RBM26: variants seen among roughly 807,000 people sequenced by gnomAD.
The protein encoded by RBM26 is RNA binding motif protein 26, also known as RNA-binding protein 26.
RBM26 carries 30 observed loss-of-function variants against 123.6 expected under a neutral mutation model. The observed-to-expected ratio is 0.24, with a 90% confidence interval of 0.18 to 0.33. The LOEUF (loss-of-function observed/expected upper bound fraction) is 0.33. Among genes scored for constraint, RBM26 ranks in the 10% least tolerant of loss-of-function variants. The probability of loss-of-function intolerance (pLI) is 1.00; values close to 1 mark genes in which losing one functional copy is unlikely to be tolerated. For synonymous variants in RBM26, 400 were observed against 404.4 expected, an observed-to-expected ratio of 0.99 and a Z score of 0.13; for missense variants, 947 against 1,203.6, an observed-to-expected ratio of 0.79 and a Z score of 3.15.
Position 79,354,421 on chromosome 13 carries a change from G to A in RBM26, c.1986+18C>T, listed in dbSNP as rs777013319. On this transcript the variant is annotated intron_variant, in intron 13 of 21. Coordinates refer to ENST00000438737, the MANE Select transcript of RBM26 (RefSeq NM_001366735.2). The stretch of plus-strand genomic sequence containing the variant: ...CTGAGAACCTATTACGGGCACAATC[G>A]TAAGACCTTTGCTTTACCTGAGGAA... The A allele has an allele frequency of 9.2e-6, 14 of 1,527,622 alleles. No individual in the cohort carries two copies. The Admixed American group carries it at 9.4e-5, about 10-fold the overall frequency. 94.6% of individuals were successfully genotyped at this position (1,527,622 alleles called of 1,614,324 possible). A position where few individuals can be genotyped will look rare whatever the true frequency, so the allele number is the denominator to read the frequency against.
At chr13:79,328,661 T>A (rs560464414) in intron 20 of RBM26, among the ~76,000 whole-genome samples, 1 of 39,366 alleles carries the variant, frequency 2.5e-5, no homozygotes, top group East Asian at 5.6e-4. Flanking sequence ...TTTCCAAATA[T>A]ACAAAGAGCC....
Position 79,386,591 on chromosome 13 carries a change from T to TAAAAAAAAAA in RBM26, c.72-7694_72-7685dup, listed in dbSNP as rs398023598. Among the ~76,000 whole-genome samples the TAAAAAAAAAA allele has an allele frequency of 1.7e-3, 155 of 92,796 alleles. 3 individuals are homozygous for TAAAAAAAAAA. Among genetic ancestry groups the TAAAAAAAAAA allele is most frequent in the East Asian group, 0.013 (31 of 2,444 alleles). The allele number at this position is 92,796 out of a possible 152,430, so 60.9% of individuals were successfully genotyped here. On this transcript the variant is annotated intron_variant, in intron 1 of 21. Coordinates refer to ENST00000438737, the MANE Select transcript of RBM26 (RefSeq NM_001366735.2). ...ACATCAAGCCACAGAACTCTCTCTT[T>TAAAAAAAAAA]AAAAAAAAAAAAAAAAAAAAGGTGT...
intron 14 of RBM26, among the ~76,000 whole-genome samples, chr13:79,347,658 A>AC (rs2072560205): frequency 6.6e-6 from 1 of 152,024 alleles, no homozygotes; most frequent in Non-Finnish European, 1.5e-5. Context: ...ATCTTACTAC[A>AC]CTTACTTAAT....
intron 1 of RBM26, among the ~76,000 whole-genome samples, chr13:79,391,572 C>T (rs1280944096): frequency 6.6e-6 from 1 of 151,944 alleles, no homozygotes; most frequent in Non-Finnish European, 1.5e-5. Context: ...TACAGGCGCC[C>T]ACCACAACAC....
At chr13:79,330,588 G>A (rs925905841) in intron 20 of RBM26, among the ~76,000 whole-genome samples, 2 of 152,040 alleles carry the variant, frequency 1.3e-5, no homozygotes, top group Non-Finnish European at 2.9e-5. Context: ...AAAGTAAACT[G>A]CAATCCTATG....
chr13:79,353,174 T>C lies in RBM26; in HGVS notation c.2037A>G (p.Pro679=), dbSNP rs1425097895. The C allele has an allele frequency of 1.3e-6, 2 of 1,592,994 alleles. No homozygotes were observed. Among genetic ancestry groups the C allele is most frequent in the East Asian group, 2.2e-5 (1 of 44,454 alleles). The change falls in exon 14 of 22, where the codon CCA becomes CCG. Residue 679 remains proline (P), a synonymous_variant. Transcript: ENST00000438737. ...VKDRLGFVSK[P]SVSATEKVLS... is the part of the protein sequence containing the mutation. ...TTACCTTTTCAGTTGCTGAAACAGA[T>C]GGCTTTGATACAAAACCCAACCTGT...
At chr13:79,374,703 C>A (rs1192943179) in intron 3 of RBM26, among the ~76,000 whole-genome samples, 1 of 152,080 alleles carries the variant, frequency 6.6e-6, no homozygotes, top group African/African-American at 2.4e-5. Context: ...GCACTCTTTC[C>A]CTTCTATTTC....
At chr13:79,373,912 T>C (rs898828370) in intron 3 of RBM26, among the ~76,000 whole-genome samples, 3 of 151,124 alleles carry the variant, frequency 2.0e-5, no homozygotes, top group Admixed American at 1.3e-4. Context: ...CTCCAGACTA[T>C]ATTGTTGAGA....
At chr13:79,325,788 C>T (rs2068308751) in intron 20 of RBM26, among the ~76,000 whole-genome samples, 1 of 152,138 alleles carries the variant, frequency 6.6e-6, no homozygotes, top group Admixed American at 6.6e-5. Context: ...TGGTAATGTT[C>T]TAGGCCTTTA....
At chr13:79,311,925 T>TGTTGACAACCCCACATAAACATTTAA (rs2066908712) in exon 5 of RBM26, 1 of 152,036 alleles carries the variant, frequency 6.6e-6, no homozygotes, top group Non-Finnish European at 1.5e-5. Flanking sequence ...ATAATAAAAA[T>TGTTGACAACCCCACATAAACATTTAA]GTTGACAACC....
chr13:79,342,674 G>T lies in RBM26; in HGVS notation c.2417C>A (p.Thr806Asn). 1 of 1,606,466 alleles carries T rather than the reference G, an allele frequency of 6.2e-7. No individual in the cohort carries two copies. The change falls in exon 17 of 22, where the codon ACC becomes AAC. Residue 806 changes from threonine (T) to asparagine (N), a missense_variant. Physicochemically the swap from Thr to Asn is moderately conservative, Grantham distance 65 (BLOSUM62 0). Transcript: ENST00000438737. ...PGRCLPKSIK[T>N]KTQMQKELLD... ...AATGAAATTAAATACCTGAGTCTTGGTTTTTATACTTTTTGGAAGACAGCG... is the reference window on the plus strand; with the variant it reads ...AATGAAATTAAATACCTGAGTCTTGTTTTTTATACTTTTTGGAAGACAGCG...
At position 79,354,568 on chromosome 13, in the gene RBM26, T is replaced by C; in HGVS notation, c.1857A>G (p.Val619=). 1 of 1,589,752 alleles carries C rather than the reference T, an allele frequency of 6.3e-7. No individual in the cohort carries two copies. Among genetic ancestry groups the C allele is most frequent in the Admixed American group, 1.7e-5 (1 of 58,648 alleles). Residue 619 remains valine (V), a splice_region_variant and synonymous_variant, in exon 13 of 22, where the codon GTA becomes GTG. Transcript: ENST00000438737. ...TGGGCTGCTGGACTAAAGGCTGCAT[T>C]ACCTCAGAACAAGGAAAAAATGTTA... ...TQQLQTTSPK[V]MQPLVQQPIL...
At chr13:79,389,707 A>C (rs1323108671) in intron 1 of RBM26, 2 of 152,188 alleles carry the variant, frequency 1.3e-5, no homozygotes, top group Non-Finnish European at 2.9e-5. Context: ...TAAAAGTTCA[A>C]GGATGGGAAA....
Position 79,365,886 on chromosome 13 carries a change from G to A in RBM26, c.1277-168C>T. 3 of 955,052 alleles carry A rather than the reference G, an allele frequency of 3.1e-6. No homozygotes were observed. In the South Asian group the frequency reaches 6.0e-5, roughly 19 times the overall value. 59.2% of individuals were successfully genotyped at this position (955,052 alleles called of 1,614,324 possible). A position where few individuals can be genotyped will look rare whatever the true frequency, so the allele number is the denominator to read the frequency against. ...TTAAAAAAGTTATTAAAAAGAAAAT[G>A]TTTTTTTGAAAACATTCAAAACTGA... On this transcript the variant is annotated intron_variant, in intron 8 of 21. Transcript: ENST00000438737.
intron 18 of RBM26, among the ~76,000 whole-genome samples, chr13:79,340,289 G>C (rs902305051): frequency 1.3e-4 from 19 of 151,958 alleles, no homozygotes; most frequent in Non-Finnish European, 2.2e-4. Flanking sequence ...AGAGAAGACA[G>C]AGCTTTAAGG....
rs1332489578 is a variant in RBM26 at position 79,405,918 on chromosome 13, G to A, written c.-144C>T. The A allele has an allele frequency of 2.7e-6, 1 of 376,832 alleles. No individual in the cohort carries two copies. The highest frequency in any genetic ancestry group is 4.6e-6 in the Non-Finnish European group (1 of 218,688). 23.3% of individuals were successfully genotyped at this position (376,832 alleles called of 1,614,324 possible). A position where few individuals can be genotyped will look rare whatever the true frequency, so the allele number is the denominator to read the frequency against. ...CCGGTGGCAGGTTCCCGCGGGCCCC[G>A]GTCGGCGAACAGCTCTGCAAGGACC... On this transcript the variant is annotated 5_prime_UTR_variant, in exon 1 of 22. Transcript: ENST00000438737.
intron 1 of RBM26, among the ~76,000 whole-genome samples, chr13:79,393,722 C>T (rs369773698): frequency 6.6e-6 from 1 of 152,180 alleles, no homozygotes; most frequent in Non-Finnish European, 1.5e-5. Context: ...ACTGAGATCA[C>T]CTTGTGGGGG....
At chr13:79,386,611 A>AAAAAAAAAT (rs2077510885) in intron 1 of RBM26, among the ~76,000 whole-genome samples, 1 of 139,326 alleles carries the variant, frequency 7.2e-6, no homozygotes, top group East Asian at 2.2e-4. Context: ...AAAAAAAAAA[A>AAAAAAAAAT]GGTGTATCTG....
downstream of RBM26, among the ~76,000 whole-genome samples, chr13:79,316,753 C>T (rs983465784): frequency 2.0e-4 from 30 of 151,714 alleles, no homozygotes; most frequent in Non-Finnish European, 3.7e-4. Context: ...ATAAGTAAAA[C>T]GACAACTCAA....
Sources: gnomAD v4.1 joint callset for allele counts (sites outside exome capture counted in the v4.1 genomes callset) on GRCh38, gnomAD v4.1.1 for gene constraint, MANE v1.5 for transcripts, NCBI Gene and HGNC (gene_info 2026-07-23, HGNC 2026-07-21) for gene names.